The following PLEKHM2 variants were observed in gnomAD, a reference collection of about 807,000 sequenced individuals.
The protein encoded by PLEKHM2 is pleckstrin homology and RUN domain containing M2.
A neutral mutation model predicts 116.3 loss-of-function variants in PLEKHM2; 77 were observed. The observed-to-expected ratio is 0.66, with a 90% confidence interval of 0.55 to 0.80. The LOEUF (loss-of-function observed/expected upper bound fraction) is 0.80, where lower values mean the gene tolerates loss of function less well. Among genes scored for constraint, PLEKHM2 ranks in the 30% least tolerant of loss-of-function variants. PLEKHM2 has a pLI of 0.00. For missense variants in PLEKHM2, 1,183 were observed against 1,354.9 expected, an observed-to-expected ratio of 0.87 and a Z score of 1.99; for synonymous variants, 562 against 571.0, an observed-to-expected ratio of 0.98 and a Z score of 0.22.
chr1:15,732,697 C>T lies in PLEKHM2; in HGVS notation c.2891C>T (p.Ala964Val), dbSNP rs752454096. The change falls in exon 19 of 20, where the codon GCA becomes GTA. Residue 964 changes from alanine (A) to valine (V), a missense_variant. Transcript: ENST00000375799. ...CTSELDRLLSALNSGWKTIYQ... is the reference protein window; with the variant it reads ...CTSELDRLLSVLNSGWKTIYQ... ...TCTGAACTGGACCGATTGCTGTCTG[C>T]ACTGAACTCTGGGTGGAAAACCATC... is the stretch of plus-strand genomic sequence containing the variant. 2 of 1,610,016 alleles carry T rather than the reference C, an allele frequency of 1.2e-6. No homozygotes were observed. The highest frequency in any genetic ancestry group is 3.4e-5 in the Admixed American group (2 of 59,586).
intron 3 of PLEKHM2, 105 bp downstream of exon 3, chr1:15,716,921 A>T: frequency 7.1e-7 from 1 of 1,399,408 alleles, no homozygotes; most frequent in South Asian, 1.3e-5. Flanking sequence ...CTGGGAGGCA[A>T]ATTACCTGGT....
At chr1:15,702,006 C>A (rs1641124651) in intron 1 of PLEKHM2, among the ~76,000 whole-genome samples, 1 of 152,214 alleles carries the variant, frequency 6.6e-6, no homozygotes, top group Non-Finnish European at 1.5e-5. Context: ...GTTGCAACCA[C>A]ATGGCCCTTC....
rs747602704 is a variant in PLEKHM2, at chr1:15,729,751, G to GGCCCTGTTC, written c.2076-45_2076-37dup. 3 of 1,564,352 alleles carry GGCCCTGTTC rather than the reference G, an allele frequency of 1.9e-6. No homozygotes were observed. Among genetic ancestry groups the GGCCCTGTTC allele is most frequent in the Non-Finnish European group, 2.6e-6 (3 of 1,154,856 alleles). ...TCAAGACTAAGCCCTGTCCAGTTGAGGCCCTGTTCCCAGGCCTCTAACCAC... is the reference window on the plus strand; with the variant it reads ...TCAAGACTAAGCCCTGTCCAGTTGAGGCCCTGTTCGCCCTGTTCCCAGGCCTCTAACCAC... On this transcript the variant is annotated intron_variant, in intron 13 of 19. Transcript: ENST00000375799. The surrounding 1 kb of genome is among the most constrained non-coding windows in gnomAD (Gnocchi z 4.7).
chr1:15,705,644 G>T (rs964489102), intron 1 of PLEKHM2, among the ~76,000 whole-genome samples: 4 of 152,104 alleles, frequency 2.6e-5, no homozygotes, highest in Non-Finnish European at 5.9e-5. Flanking sequence ...AATCTCTGCG[G>T]CTCTGCCTTC....
intron 1 of PLEKHM2, among the ~76,000 whole-genome samples, chr1:15,693,880 G>A (rs2148333301): frequency 6.6e-6 from 1 of 152,306 alleles, no homozygotes; most frequent in South Asian, 2.1e-4. Context: ...CAGGGATTGT[G>A]GGGCTCCTGG....
intron 1 of PLEKHM2, among the ~76,000 whole-genome samples, chr1:15,711,246 A>T (rs1165522932): frequency 6.6e-6 from 1 of 152,074 alleles, no homozygotes; most frequent in African/African-American, 2.4e-5. Context: ...GGGGACCAAA[A>T]ACCAGCAGTG....
chr1:15,705,170 CTTTTTTTTTTTTTTTT>C lies in PLEKHM2; in HGVS notation c.61-11055_61-11040del, dbSNP rs71306988. Among the ~76,000 whole-genome samples, 29 of 74,046 alleles carry C rather than the reference CTTTTTTTTTTTTTTTT, an allele frequency of 3.9e-4. 1 individual carries two copies. The highest frequency in any genetic ancestry group is 1.1e-3 in the Admixed American group (8 of 6,992). The allele number at this position is 74,046 out of a possible 152,430, so 48.6% of individuals were successfully genotyped here. On this transcript the variant is annotated intron_variant, in intron 1 of 19. Coordinates refer to ENST00000375799, the MANE Select transcript of PLEKHM2 (RefSeq NM_015164.4). The stretch of plus-strand genomic sequence containing the variant: ...GTCCTTGATGTCTCCACGTAGATAT[CTTTTTTTTTTTTTTTT>C]TTTTTTTTTTTGAGATGGGGTCTCA...
At chr1:15,706,888 G>A (rs1466807585) in intron 1 of PLEKHM2, among the ~76,000 whole-genome samples, 2 of 152,178 alleles carry the variant, frequency 1.3e-5, no homozygotes, top group Non-Finnish European at 2.9e-5. Flanking sequence ...GTTGAAATAT[G>A]TGACCCTTCA....
intron 1 of PLEKHM2, among the ~76,000 whole-genome samples, chr1:15,689,668 C>G (rs1640849017): frequency 6.6e-6 from 1 of 152,162 alleles, no homozygotes; most frequent in African/African-American, 2.4e-5. Context: ...TACAGTCAGG[C>G]CTAAATAAAA....
upstream of PLEKHM2, among the ~76,000 whole-genome samples, chr1:15,683,774 G>T (rs1571009320): frequency 6.9e-6 from 1 of 144,170 alleles, no homozygotes; most frequent in South Asian, 2.3e-4. Flanking sequence ...TCCCAGGGGG[G>T]AGTCTATGGC....
In PLEKHM2 at chr1:15,727,736, G is replaced by A. The variant is rs754709565; in HGVS notation, c.1664G>A (p.Arg555Gln). Residue 555 changes from arginine to glutamine, a missense_variant, in exon 9 of 20, where the codon CGA becomes CAA. Transcript: ENST00000375799. This position sits in a 1 kb window ranked among gnomAD's most constrained non-coding sequence, Gnocchi z 7.5. ...CAGGAGGTTCTCTGCCAGCTCAAGC[G>A]AGACCAGCCCAGCCCGTGTCTGAGT... ...GTQEVLCQLK[R>Q]DQPSPCLSSA... The A allele has an allele frequency of 1.2e-5, 19 of 1,601,670 alleles. No homozygotes were observed. In the South Asian group the frequency reaches 1.2e-4, roughly 10 times the overall value.
At chr1:15,703,262 C>T (rs1446530354) in intron 1 of PLEKHM2, among the ~76,000 whole-genome samples, 5 of 152,190 alleles carry the variant, frequency 3.3e-5, no homozygotes, top group Admixed American at 6.5e-5. Context: ...GGTGGCTGAG[C>T]AGGGATGGGG....
chr1:15,708,239 A>G (rs1032312953), intron 1 of PLEKHM2, among the ~76,000 whole-genome samples: 1 of 148,102 alleles, frequency 6.8e-6, no homozygotes, highest in African/African-American at 2.5e-5. Context: ...CTTTTTTTTT[A>G]TGGAGTCTCG....
In PLEKHM2 at chr1:15,721,254, TTCCCC is replaced by T; in HGVS notation, c.653-65_653-61del. 3.6e-6 allele frequency: 3 copies of T among 822,232 alleles called. No homozygotes were observed. Among genetic ancestry groups the T allele is most frequent in the Non-Finnish European group, 6.1e-6 (3 of 492,732 alleles). The allele number at this position is 822,232 out of a possible 1,614,324, so 50.9% of individuals were successfully genotyped here. On this transcript the variant is annotated intron_variant, in intron 6 of 19. Coordinates refer to ENST00000375799, the MANE Select transcript of PLEKHM2 (RefSeq NM_015164.4). This position sits in a 1 kb window ranked among gnomAD's most constrained non-coding sequence, Gnocchi z 5.1. ...TTTCTCCCCATGTCTCCCACCCCAT[TTCCCC>T]TCCCCTCCCTCCAGTCATCCTTCCA...
chr1:15,711,616 CA>C (rs59444789), intron 1 of PLEKHM2, among the ~76,000 whole-genome samples: 127 of 119,510 alleles, frequency 1.1e-3, no homozygotes, highest in Admixed American at 9.7e-4. Flanking sequence ...GGCTCCATCT[CA>C]AAAAAAAAAA....
Position 15,720,542 on chromosome 1 carries a change from A to C in PLEKHM2, c.652+622A>C. On this transcript the variant is annotated intron_variant, in intron 6 of 19. Coordinates refer to ENST00000375799, the MANE Select transcript of PLEKHM2 (RefSeq NM_015164.4). ...ACTGGAACAGCCTGGTTTCTTTCAA[A>C]CCTTAGGCCCTGGTGTTCATGGATA... 3.2e-6 allele frequency: 3 copies of C among 930,900 alleles called. No individual in the cohort carries two copies. The South Asian group carries it at 1.5e-4, about 46-fold the overall frequency. The allele number at this position is 930,900 out of a possible 1,614,324, so 57.7% of individuals were successfully genotyped here. A position where few individuals can be genotyped will look rare whatever the true frequency, so the allele number is the denominator to read the frequency against.
intron 1 of PLEKHM2, among the ~76,000 whole-genome samples, chr1:15,709,765 G>A (rs1162421226): frequency 1.3e-5 from 2 of 151,518 alleles, no homozygotes; most frequent in Non-Finnish European, 1.5e-5. Context: ...AGATATGCAA[G>A]CCACCTTGAA....
In PLEKHM2 at chr1:15,730,655, C is replaced by T. The variant is rs370220957; in HGVS notation, c.2332C>T (p.Leu778=). ...PEGTITKEGM[L]HYKAGTSYLG... ...GGGCACCATCACCAAAGAAGGCATG[C>T]TGCACTACAAGGCGGGCACCTCCTA... is the stretch of plus-strand genomic sequence containing the variant. The change falls in exon 15 of 20, where the codon CTG becomes TTG. Residue 778 remains leucine, a synonymous_variant. Transcript: ENST00000375799. 3.7e-5 allele frequency: 59 copies of T among 1,610,136 alleles called. No homozygotes were observed. The highest frequency in any genetic ancestry group is 5.0e-5 in the Non-Finnish European group (59 of 1,178,544).
chr1:15,728,304 T>C lies in PLEKHM2; in HGVS notation c.1868T>C (p.Leu623Pro). The change falls in exon 11 of 20, where the codon CTG becomes CCG. Residue 623 changes from leucine (L) to proline (P), a missense_variant. By Grantham distance (98) the Leu-to-Pro change is moderately conservative. Coordinates refer to ENST00000375799, the MANE Select transcript of PLEKHM2 (RefSeq NM_015164.4). This position sits in a 1 kb window ranked among gnomAD's most constrained non-coding sequence, Gnocchi z 5.9. ...AGCACCGGGCACATGGAGGGCAACC[T>C]GCAGCTGCTGTACGTGCTGCTCACA... ...RMSTGHMEGN[L>P]QLLYVLLTDC... The C allele has an allele frequency of 6.2e-7, 1 of 1,613,338 alleles. No individual in the cohort carries two copies. Among genetic ancestry groups the C allele is most frequent in the Non-Finnish European group, 8.5e-7 (1 of 1,179,866 alleles).
Sources: allele counts gnomAD v4.1 joint callset (sites outside exome capture counted in the v4.1 genomes callset), GRCh38; gene constraint gnomAD v4.1.1; non-coding constraint Gnocchi (gnomAD v3.1); transcripts MANE v1.5; gene names NCBI Gene and HGNC (gene_info 2026-07-23, HGNC 2026-07-21).